Variants in PRKDC observed in about 807,000 individuals in gnomAD.
PRKDC encodes the protein protein kinase, DNA-activated, catalytic subunit.
Under a neutral mutation model 486.9 loss-of-function variants are expected in PRKDC, and 82 were observed. The observed-to-expected ratio is 0.17, with a 90% CI of 0.14 to 0.20. PRKDC has a LOEUF of 0.20. Ranked by LOEUF, PRKDC falls within the 10% of genes least tolerant of loss-of-function variation. The probability of loss-of-function intolerance (pLI) is 1.00; values close to 1 mark genes in which losing one functional copy is unlikely to be tolerated. For missense variants in PRKDC, 4,504 were observed against 5,038.2 expected, an observed-to-expected ratio of 0.89 and a Z score of 3.21; for synonymous variants, 1,895 against 1,837.0, an observed-to-expected ratio of 1.03 and a Z score of -0.81.
At chr8:47,870,060 C>T (rs372600399) in intron 40 of PRKDC, among the ~76,000 whole-genome samples, 67 of 152,322 alleles carry the variant, frequency 4.4e-4, no homozygotes, top group African/African-American at 1.5e-3. Flanking sequence ...CAACTCTAGG[C>T]CTGGCTCATA....
chr8:47,947,686 T>C lies in PRKDC; in HGVS notation c.722-3657A>G, dbSNP rs141406714. On this transcript the variant is annotated intron_variant, in intron 7 of 85. Coordinates refer to ENST00000314191, the MANE Select transcript of PRKDC (RefSeq NM_006904.7). ...CACTTTGGAGGCCAAGGCAGGTGGA[T>C]TGCTTGAGCCCAGGAGTTCAAGACC... Among the ~76,000 whole-genome samples, 990 of 152,290 alleles carry C rather than the reference T, an allele frequency of 6.5e-3. 13 individuals carry two copies. The highest frequency in any genetic ancestry group is 0.023 in the African/African-American group (957 of 41,566).
Position 47,800,873 on chromosome 8 carries a change from C to T in PRKDC, c.10036G>A (p.Ala3346Thr). Residue 3346 changes from alanine to threonine, a missense_variant, in exon 71 of 86, where the codon GCC becomes ACC. By Grantham distance (58) the Ala-to-Thr change is moderately conservative (BLOSUM62 0). Coordinates refer to ENST00000314191, the MANE Select transcript of PRKDC (RefSeq NM_006904.7). Reference protein sequence around the residue: ...IIANALSSEPACLAEIEEDKA... With the variant: ...IIANALSSEPTCLAEIEEDKA... ...TCCTCCTCGATTTCAGCAAGGCAGG[C>T]TGGCTCACTGCTGAGAGCATTCGCT... is the stretch of plus-strand genomic sequence containing the variant. 6.2e-7 allele frequency: 1 copy of T among 1,613,712 alleles called. No homozygotes were observed. Among genetic ancestry groups the T allele is most frequent in the South Asian group, 1.1e-5 (1 of 90,990 alleles).
Position 47,849,135 on chromosome 8 carries a change from A to T in PRKDC, c.7280+19T>A. The stretch of plus-strand genomic sequence containing the variant: ...TTATGAGCCAGTGGGACCCAAGAGC[A>T]GGGCTAGTGTTCACTCACCTATGTC... On this transcript the variant is annotated intron_variant, in intron 54 of 85. Coordinates refer to ENST00000314191, the MANE Select transcript of PRKDC (RefSeq NM_006904.7). The T allele has an allele frequency of 1.2e-6, 2 of 1,610,362 alleles. No homozygotes were observed. Among genetic ancestry groups the T allele is most frequent in the Non-Finnish European group, 1.7e-6 (2 of 1,177,750 alleles).
intron 5 of PRKDC, 148 bp downstream of exon 5, chr8:47,954,190 T>C (rs1328112128): frequency 6.5e-6 from 3 of 464,886 alleles, no homozygotes; most frequent in Non-Finnish European, 1.1e-5. Context: ...ACATGTTGTT[T>C]TTGTTTGGTT....
At chr8:47,809,094 G>GGA (rs2087273543) in intron 68 of PRKDC, among the ~76,000 whole-genome samples, 1 of 149,766 alleles carries the variant, frequency 6.7e-6, no homozygotes, top group Non-Finnish European at 1.5e-5. Context: ...AAAGGAGAGG[G>GGA]GAGGGGAGTG....
rs8178236 is a variant in PRKDC at position 47,785,114 on chromosome 8, G to A, written c.11106C>T (p.Pro3702=). ...TGTCACCCCTGGAGGTTAACTCACC[G>A]GGAATCTCCAGCTCATTTCTCAGGA... ...VEFLRNELEI[P]GQYDGRGKPL... The change falls in exon 77 of 86, where the codon CCC becomes CCT. Residue 3702 remains proline, a splice_region_variant and synonymous_variant. Coordinates refer to ENST00000314191, the MANE Select transcript of PRKDC (RefSeq NM_006904.7). The A allele has an allele frequency of 6.6e-4, 1,069 of 1,613,786 alleles. 4 individuals are homozygous for A. The highest frequency in any genetic ancestry group is 6.2e-3 in the African/African-American group (464 of 74,998).
chr8:47,929,781 T>C, intron 18 of PRKDC, 72 bp downstream of exon 18: 1 of 1,414,756 alleles, frequency 7.1e-7, no homozygotes, highest in Non-Finnish European at 9.4e-7. Flanking sequence ...CAATCACATA[T>C]TTTATGATAC....
intron 40 of PRKDC, among the ~76,000 whole-genome samples, chr8:47,875,504 C>G (rs1289298527): frequency 6.6e-6 from 1 of 152,030 alleles, no homozygotes; most frequent in Non-Finnish European, 1.5e-5. Flanking sequence ...GTAAAAAGTT[C>G]AGATTACTAA....
At position 47,935,719 on chromosome 8, in the gene PRKDC, AT is replaced by A. The variant is rs1554645332; in HGVS notation, c.1447+12del. ...CCATCATTACTCATAAATACAATAA[AT>A]TGCAAACTTACCCACAGTACTAATG... On this transcript the variant is annotated intron_variant, in intron 13 of 85. Transcript: ENST00000314191. 6.2e-7 allele frequency: 1 copy of A among 1,611,152 alleles called. No individual in the cohort carries two copies. The highest frequency in any genetic ancestry group is 8.5e-7 in the Non-Finnish European group (1 of 1,178,148).
At chr8:47,925,732 A>C (rs1368658583) in intron 21 of PRKDC, among the ~76,000 whole-genome samples, 1 of 152,196 alleles carries the variant, frequency 6.6e-6, no homozygotes, top group African/African-American at 2.4e-5. Context: ...TTATTCACAA[A>C]CGGTTCCAAA....
In PRKDC at chr8:47,794,499, G is replaced by A; in HGVS notation, c.10461C>T (p.Ile3487=). Residue 3487 remains isoleucine (I), a splice_region_variant and synonymous_variant, in exon 74 of 86, where the codon ATC becomes ATT. Transcript: ENST00000314191. ...EETLSLMTKE[I]SSVPCWQFIS... ...TGAACTGCCAGCAGGGAACGGAAGA[G>A]ATCTAAAACAGAGAGCTGAAACTTA... 1 of 1,600,000 alleles carries A rather than the reference G, an allele frequency of 6.3e-7. No homozygotes were observed. The highest frequency in any genetic ancestry group is 8.6e-7 in the Non-Finnish European group (1 of 1,168,598).
rs747382987 is a variant in PRKDC at position 47,887,063 on chromosome 8, A to G, written c.4572+484T>C. Among the ~76,000 whole-genome samples the G allele has an allele frequency of 5.3e-5, 8 of 152,208 alleles. No homozygotes were observed. In the South Asian group the frequency reaches 1.7e-3, roughly 32 times the overall value. On this transcript the variant is annotated intron_variant, in intron 35 of 85. Coordinates refer to ENST00000314191, the MANE Select transcript of PRKDC (RefSeq NM_006904.7). ...GGGGTTTCTGCTACAGAAGAAAGAA[A>G]GTTGGGATGGAGTGAACACAGAGGG...
chr8:47,938,864 C>G (rs1031506917), intron 11 of PRKDC, among the ~76,000 whole-genome samples: 10 of 152,190 alleles, frequency 6.6e-5, no homozygotes, highest in African/African-American at 2.4e-4. Flanking sequence ...GCCGCCACAC[C>G]TAGCTAATAT....
chr8:47,958,956 C>A (rs976619261), intron 1 of PRKDC, among the ~76,000 whole-genome samples: 2 of 152,064 alleles, frequency 1.3e-5, no homozygotes, highest in African/African-American at 4.8e-5. Context: ...GGTTGGTCTC[C>A]ATCTCCTGAC....
At chr8:47,957,118 G>A in intron 3 of PRKDC, 53 bp downstream of exon 3, 2 of 1,238,694 alleles carry the variant, frequency 1.6e-6, no homozygotes, top group Non-Finnish European at 1.1e-6. Flanking sequence ...CACACCATAA[G>A]TTAAAACAGA....
At chr8:47,950,357 G>A (rs1486480371) in intron 7 of PRKDC, among the ~76,000 whole-genome samples, 3 of 151,908 alleles carry the variant, frequency 2.0e-5, no homozygotes, top group Admixed American at 1.3e-4. Flanking sequence ...CAGGCACAGT[G>A]GTTCACACCT....
intron 76 of PRKDC, among the ~76,000 whole-genome samples, chr8:47,788,512 C>T (rs2086830884): frequency 1.3e-5 from 2 of 152,214 alleles, no homozygotes; most frequent in Non-Finnish European, 2.9e-5. Flanking sequence ...CCATGTATCT[C>T]CTGAGCACCC....
chr8:47,874,044 C>G (rs980547266), intron 40 of PRKDC, among the ~76,000 whole-genome samples: 2 of 146,314 alleles, frequency 1.4e-5, no homozygotes, highest in South Asian at 4.3e-4. Flanking sequence ...CCCGGGTTCA[C>G]GTCATTCTCC....
chr8:47,783,611 G>A, intron 78 of PRKDC, 131 bp downstream of exon 78: 1 of 880,540 alleles, frequency 1.1e-6, no homozygotes, highest in Non-Finnish European at 1.7e-6. Flanking sequence ...GAGGAATTCA[G>A]TAAATATGCT....
Sources: gnomAD v4.1 joint callset for allele counts (sites outside exome capture counted in the v4.1 genomes callset) on GRCh38, gnomAD v4.1.1 for gene constraint, MANE v1.5 for transcripts, NCBI Gene and HGNC (gene_info 2026-07-23, HGNC 2026-07-21) for gene names.